Variants in COL5A2 observed in about 807,000 individuals in gnomAD.
COL5A2 encodes the protein collagen type V alpha 2 chain.
COL5A2 carries 23 observed loss-of-function variants against 208.2 expected under a neutral mutation model. The ratio of observed to expected loss-of-function variants is 0.11; its 90% CI spans 0.08 to 0.16. The LOEUF (loss-of-function observed/expected upper bound fraction) is 0.16. Ranked by LOEUF, COL5A2 falls within the 10% of genes least tolerant of loss-of-function variation. The pLI is 1.00. For synonymous variants in COL5A2, 625 were observed against 628.5 expected (o/e 0.99, Z 0.08); for missense variants, 1,590 against 1,956.4 (o/e 0.81, Z 3.53).
At chr2:189,402,825 G>A in the COL5A2 span, among the ~76,000 whole-genome samples, 2 of 152,238 alleles carry the variant, frequency 1.3e-5, no homozygotes, top group South Asian at 4.2e-4. Flanking sequence ...TTATAGTATA[G>A]TTTGAATTCT....
At chr2:189,049,857 G>A (rs947669290) in intron 43 of COL5A2, among the ~76,000 whole-genome samples, 1 of 151,922 alleles carries the variant, frequency 6.6e-6, no homozygotes, top group Non-Finnish European at 1.5e-5. Flanking sequence ...CACATTCTTG[G>A]CTCACTTCTG....
At chr2:189,423,316 G>A in the COL5A2 span, among the ~76,000 whole-genome samples, 2 of 151,516 alleles carry the variant, frequency 1.3e-5, no homozygotes, top group African/African-American at 4.8e-5. Context: ...ACCTAACATT[G>A]CACCTTAAGG....
At chr2:189,157,988 G>A (rs1688287554) in intron 1 of COL5A2, among the ~76,000 whole-genome samples, 1 of 151,912 alleles carries the variant, frequency 6.6e-6, no homozygotes, top group African/African-American at 2.4e-5. Context: ...GGTAGAGACT[G>A]TGTCTTATAT....
the COL5A2 span, among the ~76,000 whole-genome samples, chr2:189,405,318 G>A: frequency 7.3e-3 from 1,114 of 151,658 alleles, 15 homozygotes; most frequent in African/African-American, 0.026. Flanking sequence ...TGCAACCTCC[G>A]CCTCCTGGCT....
the COL5A2 span, among the ~76,000 whole-genome samples, chr2:189,342,554 A>C: frequency 8.5e-6 from 1 of 117,052 alleles, no homozygotes; most frequent in Non-Finnish European, 2.1e-5. Context: ...ATAAATGAAA[A>C]ATGAAAGCAA....
At chr2:189,207,955 A>G (rs1689162002) in intron 1 of COL5A2, among the ~76,000 whole-genome samples, 1 of 152,184 alleles carries the variant, frequency 6.6e-6, no homozygotes, top group Non-Finnish European at 1.5e-5. Flanking sequence ...AAAGTTATTA[A>G]AAATTTAGCC....
At position 189,115,698 on chromosome 2, in the gene COL5A2, A is replaced by G. The variant is rs1453719549; in HGVS notation, c.98-5249T>C. Among the ~76,000 whole-genome samples the G allele has an allele frequency of 2.0e-5, 3 of 152,342 alleles. No homozygotes were observed. In the South Asian group the frequency reaches 6.2e-4, roughly 32 times the overall value. On this transcript the variant is annotated intron_variant, in intron 1 of 53. Transcript: ENST00000374866. The stretch of plus-strand genomic sequence containing the variant: ...GCTGTGAGACTGTGAGCTCCTCGAC[A>G]GCCAGAACTGTGTTTACCTCAGCAA...
chr2:189,079,124 ATACAT>A lies in COL5A2; in HGVS notation c.961-22_961-18del, dbSNP rs1212908379. The A allele has an allele frequency of 1.9e-6, 3 of 1,605,256 alleles. No homozygotes were observed. The highest frequency in any genetic ancestry group is 2.6e-6 in the Non-Finnish European group (3 of 1,172,314). Reference sequence around the variant, plus strand: ...AGCTTCACCCTAAAAAAAAATGAGAATACATTACAGTATGAGAAGCCTACAACCGA... The same window carrying A: ...AGCTTCACCCTAAAAAAAAATGAGAATACAGTATGAGAAGCCTACAACCGA... On this transcript the variant is annotated intron_variant, in intron 14 of 53. Coordinates refer to ENST00000374866, the MANE Select transcript of COL5A2 (RefSeq NM_000393.5).
chr2:189,266,073 A>G, the COL5A2 span, among the ~76,000 whole-genome samples: 1 of 152,326 alleles, frequency 6.6e-6, no homozygotes, highest in South Asian at 2.1e-4. Flanking sequence ...CCATCAACTG[A>G]TGAGTGGATA....
At chr2:189,144,651 C>A (rs988582803) in intron 1 of COL5A2, among the ~76,000 whole-genome samples, 6 of 151,804 alleles carry the variant, frequency 4.0e-5, no homozygotes, top group African/African-American at 1.5e-4. Context: ...ATACTTTTAT[C>A]AGAGTTTTTT....
the COL5A2 span, among the ~76,000 whole-genome samples, chr2:189,394,587 C>T: frequency 6.6e-6 from 1 of 152,162 alleles, no homozygotes; most frequent in African/African-American, 2.4e-5. Context: ...CTCAGACTTC[C>T]ATCTTCCAGA....
Position 189,066,495 on chromosome 2 carries a change from C to A in COL5A2, c.1458G>T (p.Gly486=). 3 of 1,614,060 alleles carry A rather than the reference C, an allele frequency of 1.9e-6. No homozygotes were observed. Among genetic ancestry groups the A allele is most frequent in the Non-Finnish European group, 8.5e-7 (1 of 1,179,944 alleles). ...KGEAGPKGEP[G]PHGIQGPIGP... ...CTATCGGACCCTGAATACCATGTGG[C>A]CCCTGTTAAAAACAGAAGGACAGTT... is the stretch of plus-strand genomic sequence containing the variant. Residue 486 remains glycine (G), a splice_region_variant and synonymous_variant, in exon 23 of 54, where the codon GGG becomes GGT. Transcript: ENST00000374866.
At chr2:189,063,884 C>A in intron 26 of COL5A2, 96 bp downstream of exon 26, 2 of 924,722 alleles carry the variant, frequency 2.2e-6, no homozygotes, top group South Asian at 1.4e-5. Context: ...GACCAGCATC[C>A]ATATAATCAA....
the COL5A2 span, among the ~76,000 whole-genome samples, chr2:189,377,602 CCTCTT>C: frequency 7.2e-5 from 11 of 152,098 alleles, no homozygotes; most frequent in Non-Finnish European, 1.3e-4. Flanking sequence ...ATAACCAAGA[CCTCTT>C]CTTAAGTCCA....
intron 1 of COL5A2, among the ~76,000 whole-genome samples, chr2:189,198,797 A>G (rs1473427673): frequency 6.6e-6 from 1 of 152,182 alleles, no homozygotes; most frequent in African/African-American, 2.4e-5. Context: ...AATGATGGTC[A>G]ACATCAAGCC....
the COL5A2 span, among the ~76,000 whole-genome samples, chr2:189,406,861 G>T: frequency 6.6e-6 from 1 of 152,036 alleles, no homozygotes; most frequent in East Asian, 1.9e-4. Flanking sequence ...CATCACAAAA[G>T]CACTGAGAGA....
intron 1 of COL5A2, among the ~76,000 whole-genome samples, chr2:189,148,561 A>G (rs1186826036): frequency 6.6e-6 from 1 of 152,182 alleles, no homozygotes; most frequent in Non-Finnish European, 1.5e-5. Context: ...AAGAGGATTA[A>G]GAAGAGAAAA....
At chr2:189,305,747 C>T in the COL5A2 span, among the ~76,000 whole-genome samples, 1 of 150,052 alleles carries the variant, frequency 6.7e-6, no homozygotes, top group Non-Finnish European at 1.5e-5. Flanking sequence ...AAGAGATCAA[C>T]AGGCTAATTG....
At chr2:189,039,226 A>C in intron 51 of COL5A2, 46 bp downstream of exon 51, 2 of 1,608,786 alleles carry the variant, frequency 1.2e-6, no homozygotes, top group Non-Finnish European at 1.7e-6. Context: ...GAGAATAAAC[A>C]ATCAGAAACA....
Sources: gnomAD v4.1 joint callset for allele counts (sites outside exome capture counted in the v4.1 genomes callset) on GRCh38, gnomAD v4.1.1 for gene constraint, MANE v1.5 for transcripts, NCBI Gene and HGNC (gene_info 2026-07-23, HGNC 2026-07-21) for gene names.